HTN1: variants seen among roughly 807,000 people sequenced by gnomAD.
HTN1 encodes histatin 1.
HTN1 carries 18 observed loss-of-function variants against 11.2 expected under a neutral mutation model. The ratio of observed to expected loss-of-function variants is 1.61; its 90% CI spans 1.12 to 2.39. The LOEUF (loss-of-function observed/expected upper bound fraction) is 2.39, where lower values mean the gene tolerates loss of function less well. Among genes scored for constraint, HTN1 ranks in the 30% most tolerant of loss-of-function variants. The pLI is 0.00. For synonymous variants in HTN1, 21 were observed against 20.5 expected, an observed-to-expected ratio of 1.02 and a Z score of -0.07; for missense variants, 80 against 67.2, an observed-to-expected ratio of 1.19 and a Z score of -0.67.
At chr4:70,057,026 C>A (rs1357461914) in intron 5 of HTN1, 2 of 152,096 alleles carry the variant, frequency 1.3e-5, no homozygotes, top group African/African-American at 4.8e-5. Flanking sequence ...TGCAGCAATC[C>A]CATGACTGGG....
chr4:70,052,236 G>A (rs763104021), intron 1 of HTN1, among the ~76,000 whole-genome samples: 10 of 151,882 alleles, frequency 6.6e-5, no homozygotes, highest in Non-Finnish European at 1.3e-4. Context: ...CTAATCTCAG[G>A]GTTACACCAT....
At chr4:70,054,387 A>G (rs780788578) in intron 3 of HTN1, 34 bp from the exon 4 acceptor site, 18 of 1,528,224 alleles carry the variant, frequency 1.2e-5, no homozygotes, top group Admixed American at 1.8e-5. Context: ...ATAAACATAT[A>G]TTGAATTTTT....
chr4:70,052,483 GT>G, intron 1 of HTN1, among the ~76,000 whole-genome samples: 1 of 152,096 alleles, frequency 6.6e-6, no homozygotes, highest in Non-Finnish European at 1.5e-5. Flanking sequence ...TTTCCTCTCT[GT>G]TTTATTTCTT....
intron 1 of HTN1, 155 bp from the exon 2 acceptor site, chr4:70,052,909 C>T (rs781691143): frequency 6.1e-5 from 36 of 587,304 alleles, no homozygotes; most frequent in Non-Finnish European, 1.0e-4. Context: ...ACCAGATGGT[C>T]CAGGCTGCAG....
rs1279268283 is a variant in HTN1 at position 70,058,691 on chromosome 4, C to T, written c.*145C>T. 1 of 152,050 alleles carries T rather than the reference C, an allele frequency of 6.6e-6. No individual in the cohort carries two copies. Among genetic ancestry groups the T allele is most frequent in the Non-Finnish European group, 1.5e-5 (1 of 68,002 alleles). 9.4% of individuals were successfully genotyped at this position (152,050 alleles called of 1,614,324 possible). Reference sequence around the variant, plus strand: ...AAGGCAATGGAGAATAAAAGAAAGACCATGATTTAGTGAATTCTGTGTTTC... The same window carrying T: ...AAGGCAATGGAGAATAAAAGAAAGATCATGATTTAGTGAATTCTGTGTTTC... On this transcript the variant is annotated 3_prime_UTR_variant, in exon 6 of 6. Transcript: ENST00000246896.
intron 1 of HTN1, among the ~76,000 whole-genome samples, chr4:70,050,699 A>G (rs1725870777): frequency 6.6e-6 from 1 of 152,202 alleles, no homozygotes; most frequent in Non-Finnish European, 1.5e-5. Flanking sequence ...TCAAATTAGC[A>G]TAGATGATTT....
At chr4:70,052,163 T>C (rs1261076638) in intron 1 of HTN1, among the ~76,000 whole-genome samples, 1 of 152,158 alleles carries the variant, frequency 6.6e-6, no homozygotes, top group Admixed American at 6.6e-5. Context: ...TCAAAGTAGA[T>C]ACAATCATTT....
chr4:70,055,405 G>A lies in HTN1; in HGVS notation c.103-93G>A, dbSNP rs73824787. Reference sequence around the variant, plus strand: ...AAAATACAAGGTCTTAACAACTTTAGCAATCTAAGCTTTTAATGACAGTTT... The same window carrying A: ...AAAATACAAGGTCTTAACAACTTTAACAATCTAAGCTTTTAATGACAGTTT... On this transcript the variant is annotated intron_variant, in intron 4 of 5. Coordinates refer to ENST00000246896, the MANE Select transcript of HTN1 (RefSeq NM_002159.4). The A allele has an allele frequency of 1.0e-2, 8,690 of 871,842 alleles. 521 individuals carry two copies. In the African/African-American group the frequency reaches 0.13, roughly 13 times the overall value. 54.0% of individuals were successfully genotyped at this position (871,842 alleles called of 1,614,324 possible).
intron 2 of HTN1, 108 bp from the exon 3 acceptor site, chr4:70,054,214 A>T: frequency 1.5e-6 from 1 of 665,378 alleles, no homozygotes; most frequent in Non-Finnish European, 2.5e-6. Flanking sequence ...CAACCAAAGA[A>T]TGCCTCCATT....
intron 5 of HTN1, 123 bp downstream of exon 5, chr4:70,055,725 A>G: frequency 1.7e-6 from 1 of 574,716 alleles, no homozygotes; most frequent in Non-Finnish European, 3.1e-6. Flanking sequence ...CTTGAAGTGT[A>G]TTCATTTGTA....
At chr4:70,055,420 A>T in intron 4 of HTN1, 78 bp from the exon 5 acceptor site, 1 of 1,014,790 alleles carries the variant, frequency 9.9e-7, no homozygotes, top group Non-Finnish European at 1.5e-6. Flanking sequence ...CTAAGCTTTT[A>T]ATGACAGTTT....
At chr4:70,052,310 T>C (rs1406642471) in intron 1 of HTN1, among the ~76,000 whole-genome samples, 1 of 152,158 alleles carries the variant, frequency 6.6e-6, no homozygotes, top group South Asian at 2.1e-4. Context: ...CCAGTCTCCA[T>C]TGCTTTTCAT....
chr4:70,052,082 G>T (rs536893473), intron 1 of HTN1, among the ~76,000 whole-genome samples: 4 of 152,232 alleles, frequency 2.6e-5, no homozygotes, highest in African/African-American at 9.6e-5. Flanking sequence ...GCATATCAGA[G>T]TCCCAGATGA....
At chr4:70,053,236 AT>A in intron 2 of HTN1, 109 bp downstream of exon 2, 1 of 632,754 alleles carries the variant, frequency 1.6e-6, no homozygotes, top group Non-Finnish European at 2.8e-6. Context: ...ATACAGCTTT[AT>A]AAGCTTTAAT....
intron 2 of HTN1, 25 bp downstream of exon 2, chr4:70,053,152 T>C: frequency 6.8e-7 from 1 of 1,469,946 alleles, no homozygotes; most frequent in Non-Finnish European, 9.5e-7. Flanking sequence ...AAATTTTAAA[T>C]ACTACATTCT....
chr4:70,058,082 G>A (rs1230136875), intron 5 of HTN1: 1 of 152,040 alleles, frequency 6.6e-6, no homozygotes, highest in Non-Finnish European at 1.5e-5. Flanking sequence ...CAATATTTTG[G>A]AGATAACAGA....
At chr4:70,057,027 C>G (rs1317264129) in intron 5 of HTN1, 1 of 152,152 alleles carries the variant, frequency 6.6e-6, no homozygotes, top group East Asian at 1.9e-4. Flanking sequence ...GCAGCAATCC[C>G]ATGACTGGGT....
intron 4 of HTN1, among the ~76,000 whole-genome samples, chr4:70,055,114 T>C (rs1206776048): frequency 6.6e-6 from 1 of 151,972 alleles, no homozygotes; most frequent in Non-Finnish European, 1.5e-5. Context: ...ACTAAAGGAA[T>C]GACATTAAGA....
intron 1 of HTN1, among the ~76,000 whole-genome samples, chr4:70,051,476 G>A (rs6827348): frequency 0.76 from 115,247 of 151,970 alleles, 44,322 homozygotes; most frequent in African/African-American, 0.89. Context: ...ATCTATGTTC[G>A]TTTATCTATC....
Sources: allele counts gnomAD v4.1 joint callset (sites outside exome capture counted in the v4.1 genomes callset), GRCh38; gene constraint gnomAD v4.1.1; transcripts MANE v1.5; gene names NCBI Gene and HGNC (gene_info 2026-07-23, HGNC 2026-07-21).